Variants in STXBP5 observed in about 807,000 individuals in gnomAD.
STXBP5 encodes syntaxin binding protein 5, also known as syntaxin-binding protein 5.
In STXBP5, 50 loss-of-function variants were observed where a neutral mutation model predicts 152.4. The ratio of observed to expected loss-of-function variants is 0.33; its 90% confidence interval spans 0.26 to 0.42. STXBP5 has a LOEUF of 0.42. Ranked by LOEUF, STXBP5 falls within the 10% of genes least tolerant of loss-of-function variation. The probability of loss-of-function intolerance (pLI) is 1.00; values close to 1 mark genes in which losing one functional copy is unlikely to be tolerated. For missense variants in STXBP5, 1,167 were observed against 1,388.6 expected, an observed-to-expected ratio of 0.84 and a Z score of 2.54; for synonymous variants, 492 against 494.7, an observed-to-expected ratio of 0.99 and a Z score of 0.07.
chr6:147,268,119 G>C (rs997508803), intron 7 of STXBP5, among the ~76,000 whole-genome samples: 1 of 152,134 alleles, frequency 6.6e-6, no homozygotes, highest in Admixed American at 6.5e-5. Context: ...TAGTTTCACT[G>C]TGTGCTCAAC....
chr6:147,387,591 C>G lies in STXBP5; in HGVS notation c.*2836C>G, dbSNP rs918162403. The stretch of plus-strand genomic sequence containing the variant: ...TACATTACATCCATTTGAAGTTTTG[C>G]ATCATCTTAACACTTTTGCTTTGCA... On this transcript the variant is annotated 3_prime_UTR_variant, in exon 28 of 28. Transcript: ENST00000321680. 7.2e-5 allele frequency: 11 copies of G among 151,730 alleles called. No individual in the cohort carries two copies. Among genetic ancestry groups the G allele is most frequent in the Non-Finnish European group, 1.5e-4 (10 of 67,766 alleles). The allele number at this position is 151,730 out of a possible 1,614,324, so 9.4% of individuals were successfully genotyped here.
intron 25 of STXBP5, among the ~76,000 whole-genome samples, chr6:147,366,659 A>G (rs966945566): frequency 2.6e-5 from 4 of 152,220 alleles, no homozygotes; most frequent in South Asian, 2.1e-4. Flanking sequence ...TAATTGGATT[A>G]TAACCCATTC....
chr6:147,359,287 C>G lies in STXBP5; in HGVS notation c.2509C>G (p.Gln837Glu). Reference protein sequence around the residue: ...IALNLPPGGEQRLLQPVIVSP... With the variant: ...IALNLPPGGEERLLQPVIVSP... ...ACTGAACCTTCCCCCAGGGGGAGAG[C>G]AAAGACTTCTTCAGCCAGTAATTGT... Residue 837 changes from glutamine to glutamate, a missense_variant, in exon 23 of 28, where the codon CAA becomes GAA. By Grantham distance (29) the Gln-to-Glu change is conservative. Around this residue, in one of 3 missense-constraint regions of STXBP5, gnomAD observed 833 missense variants for 986.3 expected, o/e 0.84. Coordinates refer to ENST00000321680, the MANE Select transcript of STXBP5 (RefSeq NM_001127715.4). 1 of 1,613,918 alleles carries G rather than the reference C, an allele frequency of 6.2e-7. No individual in the cohort carries two copies. Among genetic ancestry groups the G allele is most frequent in the Non-Finnish European group, 8.5e-7 (1 of 1,179,876 alleles).
chr6:147,283,046 C>A (rs919093550), intron 8 of STXBP5, among the ~76,000 whole-genome samples: 2 of 152,078 alleles, frequency 1.3e-5, no homozygotes, highest in Admixed American at 6.5e-5. Flanking sequence ...TCAAAGCTGT[C>A]CTGGGCTACA....
intron 4 of STXBP5, among the ~76,000 whole-genome samples, chr6:147,244,387 T>G (rs1249913772): frequency 6.6e-6 from 1 of 152,200 alleles, no homozygotes; most frequent in African/African-American, 2.4e-5. Context: ...TATTACGGGT[T>G]TTATGCCTTT....
At chr6:147,291,766 T>C (rs796364419) in intron 9 of STXBP5, among the ~76,000 whole-genome samples, 75 of 152,268 alleles carry the variant, frequency 4.9e-4, no homozygotes, top group African/African-American at 1.7e-3. Context: ...ACATAAAATA[T>C]CTGTGAAGAT....
chr6:147,212,541 A>G (rs1486781373), intron 2 of STXBP5, among the ~76,000 whole-genome samples: 1 of 152,210 alleles, frequency 6.6e-6, no homozygotes, highest in East Asian at 1.9e-4. Flanking sequence ...GTTATTTCCA[A>G]GAATCCTTCC....
At position 147,354,512 on chromosome 6, in the gene STXBP5, A is replaced by G. The variant is rs538461251; in HGVS notation, c.2305+1139A>G. Among the ~76,000 whole-genome samples the G allele has an allele frequency of 1.8e-4, 28 of 152,104 alleles. No individual in the cohort carries two copies. The South Asian group carries it at 5.8e-3, about 32-fold the overall frequency. Reference sequence around the variant, plus strand: ...TTGAAAACAAGTATATCTGAGGCACACAGTGTGCATTTTTCCCCTATAGCA... The same window carrying G: ...TTGAAAACAAGTATATCTGAGGCACGCAGTGTGCATTTTTCCCCTATAGCA... On this transcript the variant is annotated intron_variant, in intron 22 of 27. Transcript: ENST00000321680.
At chr6:147,293,569 T>C (rs1781382272) in intron 9 of STXBP5, among the ~76,000 whole-genome samples, 1 of 152,204 alleles carries the variant, frequency 6.6e-6, no homozygotes, top group African/African-American at 2.4e-5. Context: ...ATTGTACAGT[T>C]CCTTTTGGCA....
At chr6:147,231,496 C>T (rs1057126994) in intron 2 of STXBP5, among the ~76,000 whole-genome samples, 3 of 151,772 alleles carry the variant, frequency 2.0e-5, no homozygotes, top group East Asian at 1.9e-4. Context: ...ATAGAAAAAT[C>T]GAGAGCAGAA....
intron 13 of STXBP5, 36 bp from the exon 14 acceptor site, chr6:147,314,560 T>C (rs1395989887): frequency 6.3e-7 from 1 of 1,598,600 alleles, no homozygotes; most frequent in East Asian, 2.2e-5. Context: ...AGAACTGTAA[T>C]TTTATTCATC....
intron 9 of STXBP5, among the ~76,000 whole-genome samples, chr6:147,307,433 A>G (rs1782150764): frequency 6.6e-6 from 1 of 152,190 alleles, no homozygotes; most frequent in African/African-American, 2.4e-5. Context: ...GAAATAGTTG[A>G]GATCCCTGGA....
Position 147,385,584 on chromosome 6 carries a change from C to CA in STXBP5, c.*830dup, listed in dbSNP as rs1294907008. ...CTTCAATGTCCCTTGTCCTTGTTCT[C>CA]ATTAATTCAGCTAAAGGTGGATTTG... On this transcript the variant is annotated 3_prime_UTR_variant, in exon 28 of 28. Transcript: ENST00000321680. 6.6e-6 allele frequency: 1 copy of CA among 152,032 alleles called. No individual in the cohort carries two copies. The highest frequency in any genetic ancestry group is 1.5e-5 in the Non-Finnish European group (1 of 67,974). 9.4% of individuals were successfully genotyped at this position (152,032 alleles called of 1,614,324 possible).
chr6:147,219,119 C>T (rs1220108068), intron 2 of STXBP5, among the ~76,000 whole-genome samples: 1 of 152,128 alleles, frequency 6.6e-6, no homozygotes, highest in Non-Finnish European at 1.5e-5. Flanking sequence ...GCAACTTCAC[C>T]TGTATTCGTA....
intron 6 of STXBP5, among the ~76,000 whole-genome samples, chr6:147,263,967 T>C (rs1000225173): frequency 2.0e-5 from 3 of 151,922 alleles, no homozygotes; most frequent in African/African-American, 7.2e-5. Flanking sequence ...TACAGGTTTC[T>C]ATTTGCCATA....
In STXBP5 at chr6:147,314,173, T is replaced by C. The variant is rs1054074299; in HGVS notation, c.1294-91T>C. On this transcript the variant is annotated intron_variant, in intron 12 of 27. Transcript: ENST00000321680. ...TTTGCAAGCAAAATATGTTTTTCACTGGATTATTTACACACACACACACAC... is the reference window on the plus strand; with the variant it reads ...TTTGCAAGCAAAATATGTTTTTCACCGGATTATTTACACACACACACACAC... 20 of 1,383,626 alleles carry C rather than the reference T, an allele frequency of 1.4e-5. No individual in the cohort carries two copies. In the Admixed American group the frequency reaches 3.9e-4, roughly 27 times the overall value. The allele number at this position is 1,383,626 out of a possible 1,614,324, so 85.7% of individuals were successfully genotyped here.
At chr6:147,238,374 C>G (rs1420456472) in intron 3 of STXBP5, among the ~76,000 whole-genome samples, 1 of 152,148 alleles carries the variant, frequency 6.6e-6, no homozygotes, top group African/African-American at 2.4e-5. Flanking sequence ...CCCTCCCTCC[C>G]TGGAGACTGC....
At chr6:147,308,616 G>A (rs1453722843) in intron 9 of STXBP5, among the ~76,000 whole-genome samples, 1 of 152,072 alleles carries the variant, frequency 6.6e-6, no homozygotes, top group Non-Finnish European at 1.5e-5. Context: ...ATAAATTTGT[G>A]TAGTGATAAT....
chr6:147,305,635 C>G (rs1259951959), intron 9 of STXBP5, among the ~76,000 whole-genome samples: 1 of 152,016 alleles, frequency 6.6e-6, no homozygotes, highest in African/African-American at 2.4e-5. Flanking sequence ...TTCTATTAGA[C>G]TTTTCAAATT....
Sources: allele counts gnomAD v4.1 joint callset (sites outside exome capture counted in the v4.1 genomes callset), GRCh38; gene constraint gnomAD v4.1.1; regional missense constraint gnomAD v4.1.1; transcripts MANE v1.5; gene names NCBI Gene and HGNC (gene_info 2026-07-23, HGNC 2026-07-21).